Variants in LMX1B observed in about 807,000 individuals in gnomAD.
LMX1B encodes the protein LIM homeobox transcription factor 1-beta.
In LMX1B, 12 loss-of-function variants were observed where a neutral mutation model predicts 51.4. The ratio of observed to expected loss-of-function variants is 0.23; its 90% confidence interval spans 0.15 to 0.38. The LOEUF is 0.38. LMX1B is among the 10% of genes least tolerant of loss of function. The pLI, the probability that LMX1B is intolerant of heterozygous loss-of-function variation, is 1.00. For synonymous variants in LMX1B, 237 were observed against 235.4 expected (o/e 1.01, Z -0.06); for missense variants, 445 against 571.1 (o/e 0.78, Z 2.25).
In LMX1B at chr9:126,615,401, C is replaced by T. The variant is rs1835283696; in HGVS notation, c.158C>T (p.Pro53Leu). Residue 53 changes from proline (P) to leucine (L), a missense_variant, in exon 2 of 8, where the codon CCC (proline) becomes CTC (leucine). Pro to Leu is a moderately conservative substitution (Grantham distance 98). Around this residue, in one of 3 missense-constraint regions of LMX1B, gnomAD observed 273 missense variants for 343.3 expected, o/e 0.80. Transcript: ENST00000373474. The surrounding 1 kb of genome is among the most constrained non-coding windows in gnomAD (Gnocchi z 6.0). ...GCTACAGGCTCCGACTGCCCGCATCCCGCCGTCTGCGAGGGCTGCCAGCGG... is the reference window on the plus strand; with the variant it reads ...GCTACAGGCTCCGACTGCCCGCATCTCGCCGTCTGCGAGGGCTGCCAGCGG... Reference protein sequence around the residue: ...GVLLGSDCPHPAVCEGCQRPI... With the variant: ...GVLLGSDCPHLAVCEGCQRPI... 1.2e-6 allele frequency: 2 copies of T among 1,603,048 alleles called. No individual in the cohort carries two copies. Among genetic ancestry groups the T allele is most frequent in the African/African-American group, 1.4e-5 (1 of 73,776 alleles).
chr9:126,688,303 A>G (rs1452217728), intron 2 of LMX1B, among the ~76,000 whole-genome samples: 1 of 152,182 alleles, frequency 6.6e-6, no homozygotes, highest in Non-Finnish European at 1.5e-5. Context: ...TTGACTGCAA[A>G]TGCAGGTCAC....
intron 2 of LMX1B, among the ~76,000 whole-genome samples, chr9:126,656,979 C>T (rs571998334): frequency 6.6e-6 from 1 of 152,276 alleles, no homozygotes; most frequent in East Asian, 1.9e-4. Flanking sequence ...ACCCTCAAAA[C>T]TCCCTCTATC....
intron 2 of LMX1B, among the ~76,000 whole-genome samples, chr9:126,621,652 CTT>C (rs55686816): frequency 0.39 from 39,098 of 100,066 alleles, 6,438 homozygotes; most frequent in Middle Eastern, 0.5. Context: ...CTCTCTCTCT[CTT>C]CTTTTTTTTT....
chr9:126,627,861 G>A (rs1835563639), intron 2 of LMX1B, among the ~76,000 whole-genome samples: 1 of 152,160 alleles, frequency 6.6e-6, no homozygotes, highest in Non-Finnish European at 1.5e-5. Flanking sequence ...CAGGCTTGGG[G>A]GCTGTGTGGC....
Position 126,699,676 on chromosome 9 carries a change from C to A in LMX1B, c.*3225C>A, listed in dbSNP as rs2030473735. 1 of 152,296 alleles carries A rather than the reference C, an allele frequency of 6.6e-6. No homozygotes were observed. Among genetic ancestry groups the A allele is most frequent in the African/African-American group, 2.4e-5 (1 of 41,454 alleles). 9.4% of individuals were successfully genotyped at this position (152,296 alleles called of 1,614,324 possible). ...TGAGGGGTGTCTCCTAGAAGGAAAG[C>A]CAGACTCTCCGGCCCAGCCAGAGAG... On this transcript the variant is annotated 3_prime_UTR_variant, in exon 8 of 8. Transcript: ENST00000373474.
intron 2 of LMX1B, among the ~76,000 whole-genome samples, chr9:126,665,758 C>G (rs1425745491): frequency 2.6e-5 from 4 of 152,220 alleles, no homozygotes. Flanking sequence ...CCCCTACCAA[C>G]CCCCCGGGTA....
At chr9:126,681,131 G>A (rs570013578) in intron 2 of LMX1B, among the ~76,000 whole-genome samples, 106 of 152,278 alleles carry the variant, frequency 7.0e-4, no homozygotes, top group African/African-American at 2.5e-3. Flanking sequence ...ACATGGACAC[G>A]GCTGCTCACC....
intron 2 of LMX1B, among the ~76,000 whole-genome samples, chr9:126,636,845 G>A (rs927514491): frequency 1.1e-4 from 17 of 152,310 alleles, no homozygotes; most frequent in Non-Finnish European, 2.1e-4. Flanking sequence ...GGCACCAGGC[G>A]TCCGTGGCTG....
chr9:126,624,416 G>A (rs1835480142), intron 2 of LMX1B, among the ~76,000 whole-genome samples: 1 of 152,114 alleles, frequency 6.6e-6, no homozygotes, highest in South Asian at 2.1e-4. Context: ...CCCTCCTGCC[G>A]ACCCCCTCGG....
At position 126,618,807 on chromosome 9, in the gene LMX1B, G is replaced by A. The variant is rs1835352368; in HGVS notation, c.326+3238G>A. On this transcript the variant is annotated intron_variant, in intron 2 of 7. Coordinates refer to ENST00000373474, the MANE Select transcript of LMX1B (RefSeq NM_001174147.2). The surrounding 1 kb of genome is among the most constrained non-coding windows in gnomAD (Gnocchi z 4.5). ...GGAGGCTCCGGAAGGGGGGAGGGTC[G>A]GTGGGAGAGTCCAAAAATCTGTCAC... Among the ~76,000 whole-genome samples, 1 of 152,192 alleles carries A rather than the reference G, an allele frequency of 6.6e-6. No individual in the cohort carries two copies. Among genetic ancestry groups the A allele is most frequent in the Non-Finnish European group, 1.5e-5 (1 of 68,030 alleles).
intron 2 of LMX1B, among the ~76,000 whole-genome samples, chr9:126,635,480 ATGAT>A (rs1440457151): frequency 6.6e-6 from 1 of 152,250 alleles, no homozygotes; most frequent in Non-Finnish European, 1.5e-5. Flanking sequence ...AGCCACGCTG[ATGAT>A]TGATGTCACA....
In LMX1B at chr9:126,664,137, C is replaced by G. The variant is rs1040603878; in HGVS notation, c.327-26699C>G. 2.0e-5 allele frequency among the ~76,000 whole-genome samples: 3 copies of G among 152,232 alleles called. No individual in the cohort carries two copies. In the East Asian group the frequency reaches 5.8e-4, roughly 29 times the overall value. The stretch of plus-strand genomic sequence containing the variant: ...CTGTCCAGCCAGCCCTCGTCTGCCT[C>G]CAGCCACCTCCAGGCCACCCACAGC... On this transcript the variant is annotated intron_variant, in intron 2 of 7. Coordinates refer to ENST00000373474, the MANE Select transcript of LMX1B (RefSeq NM_001174147.2).
rs1413361087 is a variant in LMX1B, at chr9:126,671,573, AC to A, written c.327-19262del. 6.6e-6 allele frequency among the ~76,000 whole-genome samples: 1 copy of A among 152,174 alleles called. No individual in the cohort carries two copies. Among genetic ancestry groups the A allele is most frequent in the Non-Finnish European group, 1.5e-5 (1 of 68,032 alleles). ...GCCGGTATCCCGAGAGGCCGCAAAA[AC>A]ACAGACACCCCAGACGGGGCACTGC... On this transcript the variant is annotated intron_variant, in intron 2 of 7. Coordinates refer to ENST00000373474, the MANE Select transcript of LMX1B (RefSeq NM_001174147.2). The surrounding 1 kb of genome is among the most constrained non-coding windows in gnomAD (Gnocchi z 4.4).
At chr9:126,629,771 G>A (rs1459952593) in intron 2 of LMX1B, among the ~76,000 whole-genome samples, 2 of 151,864 alleles carry the variant, frequency 1.3e-5, no homozygotes, top group Non-Finnish European at 2.9e-5. Context: ...GCTTGACTTG[G>A]GTGCAGTGAT....
At chr9:126,634,682 A>C (rs1036605622) in intron 2 of LMX1B, among the ~76,000 whole-genome samples, 1 of 152,148 alleles carries the variant, frequency 6.6e-6, no homozygotes, top group Non-Finnish European at 1.5e-5. Flanking sequence ...TCATCTATAA[A>C]ATGGGTACAG....
chr9:126,615,926 G>A lies in LMX1B; in HGVS notation c.326+357G>A, dbSNP rs1467764732. Among the ~76,000 whole-genome samples the A allele has an allele frequency of 6.6e-6, 1 of 152,200 alleles. No individual in the cohort carries two copies. The highest frequency in any genetic ancestry group is 1.5e-5 in the Non-Finnish European group (1 of 68,028). Reference sequence around the variant, plus strand: ...TTTCCAAAGGAAAATAATGTTTTAGGGAGCCAGGCCTGGCGGACTGCTTCA... The same window carrying A: ...TTTCCAAAGGAAAATAATGTTTTAGAGAGCCAGGCCTGGCGGACTGCTTCA... On this transcript the variant is annotated intron_variant, in intron 2 of 7. Transcript: ENST00000373474. The surrounding 1 kb of genome is among the most constrained non-coding windows in gnomAD (Gnocchi z 6.0).
chr9:126,629,142 C>A (rs1414906192), intron 2 of LMX1B, among the ~76,000 whole-genome samples: 1 of 152,102 alleles, frequency 6.6e-6, no homozygotes, highest in Non-Finnish European at 1.5e-5. Context: ...TCTAAGCGTT[C>A]CAGCTGCTAG....
rs958191978 is a variant in LMX1B at position 126,615,229 on chromosome 9, C to T, written c.140-154C>T. Among the ~76,000 whole-genome samples, 48 of 151,682 alleles carry T rather than the reference C, an allele frequency of 3.2e-4. No homozygotes were observed. The highest frequency in any genetic ancestry group is 1.0e-3 in the African/African-American group (42 of 41,476). On this transcript the variant is annotated intron_variant, in intron 1 of 7. Transcript: ENST00000373474. This position sits in a 1 kb window ranked among gnomAD's most constrained non-coding sequence, Gnocchi z 6.0. The stretch of plus-strand genomic sequence containing the variant: ...GGACGGACTAGCCGGGGCCGCCCGG[C>T]CCCTGGCGCGGCGGTCCGGGGAGCG...
At chr9:126,647,250 A>G (rs945615799) in intron 2 of LMX1B, among the ~76,000 whole-genome samples, 1 of 152,116 alleles carries the variant, frequency 6.6e-6, no homozygotes, top group African/African-American at 2.4e-5. Flanking sequence ...CAAATAATAC[A>G]GACTATATAA....
Sources: allele counts gnomAD v4.1 joint callset (sites outside exome capture counted in the v4.1 genomes callset), GRCh38; gene constraint gnomAD v4.1.1; regional missense constraint gnomAD v4.1.1; non-coding constraint Gnocchi (gnomAD v3.1); transcripts MANE v1.5; gene names NCBI Gene and HGNC (gene_info 2026-07-23, HGNC 2026-07-21).